Variants in ANO10 observed in about 807,000 individuals in gnomAD.
ANO10 encodes anoctamin-10.
A neutral mutation model predicts 74.7 loss-of-function variants in ANO10; 77 were observed. The observed-to-expected ratio is 1.03, with a 90% CI of 0.86 to 1.25. The LOEUF is 1.25. ANO10 is among the 50% of genes most tolerant of loss of function. The pLI, the probability that ANO10 is intolerant of heterozygous loss-of-function variation, is 0.00. For synonymous variants in ANO10, 279 were observed against 284.9 expected (o/e 0.98, Z 0.21); for missense variants, 721 against 778.1 (o/e 0.93, Z 0.87).
intron 1 of ANO10, among the ~76,000 whole-genome samples, chr3:43,659,371 A>G (rs1159896502): frequency 6.6e-6 from 1 of 151,954 alleles, no homozygotes; most frequent in African/African-American, 2.4e-5. Flanking sequence ...TGCTTTTCCC[A>G]TGGTCTCTGC....
chr3:43,374,198 T>C (rs2091719490), intron 12 of ANO10, among the ~76,000 whole-genome samples: 1 of 152,198 alleles, frequency 6.6e-6, no homozygotes, highest in South Asian at 2.1e-4. Flanking sequence ...TAACTCCCCA[T>C]TTCCTGCATT....
chr3:43,502,152 C>T (rs994138263), intron 11 of ANO10, among the ~76,000 whole-genome samples: 2 of 152,178 alleles, frequency 1.3e-5, no homozygotes, highest in African/African-American at 2.4e-5. Flanking sequence ...AGTAATTCCA[C>T]TTCTGGGTAT....
intron 1 of ANO10, among the ~76,000 whole-genome samples, chr3:43,686,474 T>C (rs899199736): frequency 6.6e-6 from 1 of 151,988 alleles, no homozygotes; most frequent in Non-Finnish European, 1.5e-5. Flanking sequence ...TTGGTAGAGA[T>C]GGGGTCTTGC....
rs774238439 is a variant in ANO10, at chr3:43,577,188, T to A, written c.666A>T (p.Leu222Phe). 170 of 1,614,048 alleles carry A rather than the reference T, an allele frequency of 1.1e-4. No homozygotes were observed. The highest frequency in any genetic ancestry group is 1.4e-4 in the Non-Finnish European group (166 of 1,180,026). Residue 222 changes from leucine (L) to phenylalanine (F), a missense_variant, in exon 6 of 13, where the codon TTA becomes TTT. Transcript: ENST00000292246. Reference protein sequence around the residue: ...FGFLEYFTFALIPMAVIGLPY... With the variant: ...FGFLEYFTFAFIPMAVIGLPY... ...GTAACCCAATGACAGCCATGGGGAT[T>A]AATGCAAAAGTGAAATACTCCAAAA...
intron 1 of ANO10, chr3:43,691,245 G>T: frequency 2.3e-6 from 1 of 431,086 alleles, no homozygotes; most frequent in Non-Finnish European, 3.9e-6. Flanking sequence ...CTCAGCGTCG[G>T]GGCCCCGAGG....
chr3:43,671,002 A>T lies in ANO10; in HGVS notation c.-12+20515T>A, dbSNP rs967257513. Among the ~76,000 whole-genome samples, 4 of 152,018 alleles carry T rather than the reference A, an allele frequency of 2.6e-5. No individual in the cohort carries two copies. The East Asian group carries it at 7.7e-4, about 29-fold the overall frequency. On this transcript the variant is annotated intron_variant, in intron 1 of 3. Coordinates refer to the ANO10 transcript ENST00000413397. ...ACTCAAGCAAAGAAACAGAGAAAAG[A>T]CCCCTTATGTCCTGCTACCATCTCT... is the stretch of plus-strand genomic sequence containing the variant.
At chr3:43,632,758 A>G (rs2083562488) in intron 1 of ANO10, among the ~76,000 whole-genome samples, 1 of 152,184 alleles carries the variant, frequency 6.6e-6, no homozygotes, top group African/African-American at 2.4e-5. Flanking sequence ...TCTTCCCAAC[A>G]TGACTCAGAT....
chr3:43,610,196 G>T (rs1479031243), intron 1 of ANO10, among the ~76,000 whole-genome samples: 2 of 151,932 alleles, frequency 1.3e-5, no homozygotes. Flanking sequence ...TCTACACAGG[G>T]TCAGGATCAT....
At chr3:43,382,075 A>G (rs2091975332) in intron 12 of ANO10, among the ~76,000 whole-genome samples, 1 of 152,262 alleles carries the variant, frequency 6.6e-6, no homozygotes, top group East Asian at 1.9e-4. Context: ...CAGTGCGGAT[A>G]CAGCAAAGGT....
intron 12 of ANO10, among the ~76,000 whole-genome samples, chr3:43,379,645 G>A (rs570106727): frequency 7.2e-5 from 11 of 152,284 alleles, no homozygotes; most frequent in South Asian, 2.1e-4. Flanking sequence ...TAAACTCAGC[G>A]CTGTTGTGGG....
At chr3:43,553,426 G>A (rs2079578451) in intron 10 of ANO10, among the ~76,000 whole-genome samples, 1 of 151,832 alleles carries the variant, frequency 6.6e-6, no homozygotes, top group South Asian at 2.1e-4. Flanking sequence ...CTCTCCTTCT[G>A]TAACTCCAGT....
intron 12 of ANO10, among the ~76,000 whole-genome samples, chr3:43,418,637 T>G (rs2092777016): frequency 1.3e-5 from 2 of 152,232 alleles, no homozygotes; most frequent in Non-Finnish European, 2.9e-5. Context: ...GCATTGGTTA[T>G]CTATTACTGC....
chr3:43,500,980 ATCAAC>A (rs2077079473), intron 11 of ANO10, among the ~76,000 whole-genome samples: 1 of 152,228 alleles, frequency 6.6e-6, no homozygotes, highest in South Asian at 2.1e-4. Context: ...GTACAGTTGA[ATCAAC>A]TCAAATCTCT....
intron 11 of ANO10, among the ~76,000 whole-genome samples, chr3:43,536,100 T>C (rs555858306): frequency 6.6e-6 from 1 of 152,248 alleles, no homozygotes; most frequent in African/African-American, 2.4e-5. Flanking sequence ...TTTCTTGGCT[T>C]AGGATACTTT....
At chr3:43,619,346 T>C (rs2083272923) in intron 1 of ANO10, among the ~76,000 whole-genome samples, 1 of 151,864 alleles carries the variant, frequency 6.6e-6, no homozygotes, top group Admixed American at 6.6e-5. Flanking sequence ...TAAATATTAG[T>C]GGGACAATTA....
chr3:43,487,123 T>C (rs1270539661), intron 11 of ANO10, among the ~76,000 whole-genome samples: 2 of 149,240 alleles, frequency 1.3e-5, no homozygotes, highest in Non-Finnish European at 3.0e-5. Context: ...TTTGCGTATA[T>C]TGAACCAGCC....
In ANO10 at chr3:43,561,272, T is replaced by C. The variant is rs550874282; in HGVS notation, c.1424A>G (p.Asp475Gly). The part of the protein sequence containing the change: ...RKVQALKADI[D>G]ATLYEQVILE... ...GATGACTTGTTCATATAATGTAGCA[T>C]CAATGTCTGCCTTTAAAGCCTGCAC... Residue 475 changes from aspartate to glycine, a missense_variant, in exon 9 of 13, where the codon GAT becomes GGT. By Grantham distance (94) the Asp-to-Gly change is moderately conservative (BLOSUM62 -1). Transcript: ENST00000292246. 2.1e-5 allele frequency: 34 copies of C among 1,614,202 alleles called. No homozygotes were observed. The East Asian group carries it at 4.2e-4, about 20-fold the overall frequency.
At chr3:43,475,587 G>A (rs991985422) in intron 11 of ANO10, among the ~76,000 whole-genome samples, 5 of 152,002 alleles carry the variant, frequency 3.3e-5, no homozygotes, top group Admixed American at 1.3e-4. Flanking sequence ...TTGTGGGGGG[G>A]GTTCTTTGTT....
chr3:43,486,590 C>A (rs9809577), intron 11 of ANO10, among the ~76,000 whole-genome samples: 101,690 of 134,632 alleles, frequency 0.76, 39,882 homozygotes, highest in East Asian at 0.93. Flanking sequence ...GAGTTCACTC[C>A]TGATTTGGCT....
Sources: gnomAD v4.1 joint callset for allele counts (sites outside exome capture counted in the v4.1 genomes callset) on GRCh38, gnomAD v4.1.1 for gene constraint, MANE v1.5 for transcripts, NCBI Gene and HGNC (gene_info 2026-07-23, HGNC 2026-07-21) for gene names.